The following CEP112 variants were observed in gnomAD, a reference collection of about 807,000 sequenced individuals.
CEP112 encodes the protein centrosomal protein of 112 kDa.
CEP112 carries 127 observed loss-of-function variants against 153.0 expected under a neutral mutation model. The observed-to-expected ratio is 0.83, with a 90% CI of 0.72 to 0.96. The LOEUF (loss-of-function observed/expected upper bound fraction) is 0.96. Ranked by LOEUF, CEP112 falls within the 40% of genes least tolerant of loss-of-function variation. The pLI is 0.00. For missense variants in CEP112, 1,089 were observed against 1,101.2 expected, an observed-to-expected ratio of 0.99 and a Z score of 0.16; for synonymous variants, 358 against 374.4, an observed-to-expected ratio of 0.96 and a Z score of 0.51.
chr17:66,107,738 C>G (rs1025109663), intron 6 of CEP112, among the ~76,000 whole-genome samples: 1 of 151,944 alleles, frequency 6.6e-6, no homozygotes. Flanking sequence ...TCTACAGAGT[C>G]AATGCAATTA....
chr17:65,661,979 T>A (rs9908427), intron 24 of CEP112, among the ~76,000 whole-genome samples: 13,979 of 151,912 alleles, frequency 0.092, 1,279 homozygotes, highest in East Asian at 0.43. Flanking sequence ...TATTAAAAAA[T>A]TTTTTTTGAG....
chr17:66,141,057 T>A (rs1374729244), intron 4 of CEP112, among the ~76,000 whole-genome samples: 1 of 152,160 alleles, frequency 6.6e-6, no homozygotes, highest in Non-Finnish European at 1.5e-5. Context: ...ATTCATATTA[T>A]CTCTGTATTG....
rs1292060087 is a variant in CEP112, at chr17:66,164,768, T to C, written c.470+10276A>G. 7.4e-5 allele frequency among the ~76,000 whole-genome samples: 11 copies of C among 148,248 alleles called. No individual in the cohort carries two copies. In the South Asian group the frequency reaches 1.5e-3, roughly 20 times the overall value. On this transcript the variant is annotated intron_variant, in intron 4 of 26. Coordinates refer to ENST00000535342, the MANE Select transcript of CEP112 (RefSeq NM_001199165.4). ...CTATTCAGGAGGCTGAGGCAGAGAA[T>C]TGCTTGAACACAGAAGGCAGAGGTT...
chr17:65,816,980 A>G (rs1459987405), intron 21 of CEP112, among the ~76,000 whole-genome samples: 2 of 152,012 alleles, frequency 1.3e-5, no homozygotes, highest in African/African-American at 2.4e-5. Flanking sequence ...GCAGTTGCTT[A>G]TAATTCTTTC....
rs543505257 is a variant in CEP112 at position 65,913,809 on chromosome 17, T to C, written c.1981-11475A>G. 5.1e-6 allele frequency: 5 copies of C among 985,310 alleles called. No homozygotes were observed. In the South Asian group the frequency reaches 1.4e-4, roughly 28 times the overall value. The allele number at this position is 985,310 out of a possible 1,614,324, so 61.0% of individuals were successfully genotyped here. A position where few individuals can be genotyped will look rare whatever the true frequency, so the allele number is the denominator to read the frequency against. Reference sequence around the variant, plus strand: ...CAGAAGGCTGGAAACACAGCTGTGATTAGCAAGCTGATAGATGAAGCAAGG... The same window carrying C: ...CAGAAGGCTGGAAACACAGCTGTGACTAGCAAGCTGATAGATGAAGCAAGG... On this transcript the variant is annotated intron_variant, in intron 19 of 26. Transcript: ENST00000535342.
At chr17:66,062,050 C>A (rs968682416) in intron 11 of CEP112, among the ~76,000 whole-genome samples, 5 of 152,104 alleles carry the variant, frequency 3.3e-5, no homozygotes, top group African/African-American at 9.7e-5. Context: ...ATTCTCCTTG[C>A]CGCCTTGTGA....
rs762514090 is a variant in CEP112, at chr17:65,927,622, A to G, written c.1940T>C (p.Leu647Ser). ...CTGTCTGATGTCCTCCAGTTGCCATAAAAACTCCTTTGATTGTTTCTCACG... is the reference window on the plus strand; with the variant it reads ...CTGTCTGATGTCCTCCAGTTGCCATGAAAACTCCTTTGATTGTTTCTCACG... ...SLREKQSKEF[L>S]WQLEDIRQRY... is the part of the protein sequence containing the mutation. The change falls in exon 19 of 27, where the codon TTA becomes TCA. Residue 647 changes from leucine (L) to serine (S), a missense_variant. Physicochemically the swap from Leu to Ser is moderately radical, Grantham distance 145 (BLOSUM62 -2). Coordinates refer to ENST00000535342, the MANE Select transcript of CEP112 (RefSeq NM_001199165.4). The G allele has an allele frequency of 3.7e-6, 6 of 1,602,168 alleles. No homozygotes were observed. The highest frequency in any genetic ancestry group is 1.7e-4 in the Middle Eastern group (1 of 6,058).
chr17:65,971,671 A>G (rs904224328), intron 17 of CEP112, among the ~76,000 whole-genome samples: 2 of 152,308 alleles, frequency 1.3e-5, no homozygotes, highest in South Asian at 2.1e-4. Flanking sequence ...CATGTATGTT[A>G]CATGCATATT....
At chr17:66,130,568 G>A (rs1465891720) in intron 5 of CEP112, among the ~76,000 whole-genome samples, 1 of 152,000 alleles carries the variant, frequency 6.6e-6, no homozygotes, top group African/African-American at 2.4e-5. Flanking sequence ...GAGGTCAGGA[G>A]ATCAAGACCA....
intron 1 of CEP112, among the ~76,000 whole-genome samples, chr17:66,184,828 A>G (rs1225813718): frequency 6.6e-6 from 1 of 152,186 alleles, no homozygotes; most frequent in Non-Finnish European, 1.5e-5. Context: ...AAACAACTGA[A>G]AACAGCCCAA....
At chr17:65,957,405 T>C (rs1199743626) in intron 18 of CEP112, among the ~76,000 whole-genome samples, 1 of 152,174 alleles carries the variant, frequency 6.6e-6, no homozygotes, top group East Asian at 1.9e-4. Context: ...CCTAACATCT[T>C]TTCATATTTC....
chr17:66,162,839 A>G (rs1598471035), intron 4 of CEP112, among the ~76,000 whole-genome samples: 1 of 152,162 alleles, frequency 6.6e-6, no homozygotes, highest in Non-Finnish European at 1.5e-5. Context: ...AGATATATAC[A>G]TTTTGTAAAA....
At chr17:65,686,353 G>T (rs1420185093) in intron 24 of CEP112, among the ~76,000 whole-genome samples, 1 of 152,126 alleles carries the variant, frequency 6.6e-6, no homozygotes, top group East Asian at 1.9e-4. Context: ...AATAAAAAAA[G>T]ACTGAAAGTA....
At chr17:65,973,574 G>A (rs4464118) in intron 17 of CEP112, among the ~76,000 whole-genome samples, 63,167 of 152,000 alleles carry the variant, frequency 0.42, 14,513 homozygotes, top group East Asian at 0.87. Flanking sequence ...ACTTGTGAGC[G>A]TGGTGAAAAT....
intron 21 of CEP112, among the ~76,000 whole-genome samples, chr17:65,778,719 T>C (rs1377994479): frequency 6.6e-6 from 1 of 152,208 alleles, no homozygotes; most frequent in Admixed American, 6.5e-5. Flanking sequence ...GAGGTGGAAG[T>C]GAAAAAGTTT....
intron 23 of CEP112, among the ~76,000 whole-genome samples, chr17:65,742,137 C>T (rs1428640188): frequency 6.6e-6 from 1 of 151,922 alleles, no homozygotes. Context: ...AAGCAACTGA[C>T]ATTAACACTA....
chr17:65,897,669 T>C (rs1216759483), intron 20 of CEP112, among the ~76,000 whole-genome samples: 1 of 152,044 alleles, frequency 6.6e-6, no homozygotes, highest in Non-Finnish European at 1.5e-5. Flanking sequence ...AAATTATATT[T>C]CTTAAAGCAC....
intron 22 of CEP112, among the ~76,000 whole-genome samples, chr17:65,749,331 A>G (rs1435040652): frequency 6.6e-6 from 1 of 151,936 alleles, no homozygotes; most frequent in African/African-American, 2.4e-5. Flanking sequence ...ATATGGTGAA[A>G]CCCTGTCTCT....
intron 19 of CEP112, chr17:65,913,397 G>T (rs2060357460): frequency 1.1e-5 from 7 of 625,114 alleles, no homozygotes; most frequent in Non-Finnish European, 1.4e-5. Context: ...CTGAGTCCTT[G>T]GAGTCAGAGT....
Sources: allele counts gnomAD v4.1 joint callset (sites outside exome capture counted in the v4.1 genomes callset), GRCh38; gene constraint gnomAD v4.1.1; transcripts MANE v1.5; gene names NCBI Gene and HGNC (gene_info 2026-07-23, HGNC 2026-07-21).